NDUFAF6: variants seen among roughly 807,000 people sequenced by gnomAD.
NDUFAF6 encodes the protein NADH dehydrogenase (ubiquinone) complex I, assembly factor 6.
In NDUFAF6, 45 loss-of-function variants were observed where a neutral mutation model predicts 40.8. The observed-to-expected ratio is 1.10, with a 90% CI of 0.87 to 1.42. The LOEUF is 1.42. Among genes scored for constraint, NDUFAF6 ranks in the 40% most tolerant of loss-of-function variants. NDUFAF6 has a pLI of 0.00. For missense variants in NDUFAF6, 435 were observed against 418.5 expected, an observed-to-expected ratio of 1.04 and a Z score of -0.34; for synonymous variants, 185 against 155.9, an observed-to-expected ratio of 1.19 and a Z score of -1.39.
intron 1 of NDUFAF6, among the ~76,000 whole-genome samples, chr8:94,977,011 C>T (rs939992353): frequency 2.0e-5 from 3 of 151,818 alleles, no homozygotes; most frequent in Admixed American, 6.6e-5. Context: ...ATTAGCCAAG[C>T]GTGGTGGCAC....
At chr8:94,908,575 G>T (rs1367591896) in intron 1 of NDUFAF6, among the ~76,000 whole-genome samples, 3 of 152,136 alleles carry the variant, frequency 2.0e-5, no homozygotes, top group Non-Finnish European at 4.4e-5. Context: ...TTGCTATGTT[G>T]CCCAGGCTGT....
chr8:94,975,933 A>G (rs2084968), intron 1 of NDUFAF6: 98,237 of 152,094 alleles, frequency 0.65, 32,724 homozygotes, highest in East Asian at 0.78. Flanking sequence ...TGTTTGGACC[A>G]GGTGCAGTGG....
chr8:94,967,098 G>A (rs1489568909), intron 1 of NDUFAF6, among the ~76,000 whole-genome samples: 2 of 152,104 alleles, frequency 1.3e-5, no homozygotes, highest in African/African-American at 4.8e-5. Context: ...AGGAACATGC[G>A]GAGAGAGAGA....
intron 1 of NDUFAF6, among the ~76,000 whole-genome samples, chr8:94,960,416 C>T (rs1373032812): frequency 1.5e-5 from 2 of 131,068 alleles, no homozygotes; most frequent in Non-Finnish European, 1.7e-5. Flanking sequence ...CCTGGTGCCT[C>T]GTTAGCAGCT....
At chr8:95,108,892 G>T (rs762612834) in intron 4 of NDUFAF6, among the ~76,000 whole-genome samples, 8 of 151,998 alleles carry the variant, frequency 5.3e-5, no homozygotes, top group Non-Finnish European at 1.0e-4. Context: ...TTAGTTAAAT[G>T]GTTAAAATGG....
chr8:95,092,697 G>A (rs1809301149), intron 2 of NDUFAF6, among the ~76,000 whole-genome samples: 1 of 146,034 alleles, frequency 6.8e-6, no homozygotes, highest in Non-Finnish European at 1.5e-5. Flanking sequence ...TGATTCTCCT[G>A]CCTCAGCCTC....
intron 4 of NDUFAF6, among the ~76,000 whole-genome samples, chr8:95,115,244 C>G (rs946949294): frequency 2.6e-5 from 4 of 151,990 alleles, no homozygotes; most frequent in Non-Finnish European, 4.4e-5. Context: ...TTTGTCAGCA[C>G]CAAGAAGGCT....
intron 1 of NDUFAF6, among the ~76,000 whole-genome samples, chr8:94,973,490 C>G (rs1281876696): frequency 6.6e-6 from 1 of 152,094 alleles, no homozygotes; most frequent in East Asian, 1.9e-4. Context: ...GGGCAGATCA[C>G]GAGGTCAGGA....
At position 94,982,859 on chromosome 8, in the gene NDUFAF6, C is replaced by T. The variant is rs373789215; in HGVS notation, c.-84+1886C>T. 3.9e-5 allele frequency among the ~76,000 whole-genome samples: 6 copies of T among 152,362 alleles called. No individual in the cohort carries two copies. The East Asian group carries it at 5.8e-4, about 15-fold the overall frequency. On this transcript the variant is annotated intron_variant, in intron 2 of 9. Transcript: ENST00000396111. ...CCAACTAAGTTGAGACTCTGTATCTCTCTTTAACTTCCACAGGGTTGTTCA... is the reference window on the plus strand; with the variant it reads ...CCAACTAAGTTGAGACTCTGTATCTTTCTTTAACTTCCACAGGGTTGTTCA...
intron 2 of NDUFAF6, chr8:95,087,787 T>C (rs6471511): frequency 0.78 from 118,851 of 151,976 alleles, 46,898 homozygotes; most frequent in African/African-American, 0.87. Context: ...ACGTTCATTT[T>C]CACCGTCACC....
At chr8:95,056,136 T>C (rs28538579) in intron 8 of NDUFAF6, among the ~76,000 whole-genome samples, 4,691 of 152,304 alleles carry the variant, frequency 0.031, 239 homozygotes, top group African/African-American at 0.1. Context: ...CATATTACTG[T>C]ATCTACCTAT....
upstream of NDUFAF6, among the ~76,000 whole-genome samples, chr8:95,099,178 T>C (rs1020673007): frequency 1.3e-5 from 2 of 152,036 alleles, no homozygotes; most frequent in African/African-American, 4.8e-5. Flanking sequence ...ATGTTGAGGC[T>C]GCAGTGAGCT....
chr8:94,927,656 AAAAAT>A (rs1301926271), intron 1 of NDUFAF6: 1 of 152,202 alleles, frequency 6.6e-6, no homozygotes, highest in Non-Finnish European at 1.5e-5. Flanking sequence ...AGTTGAGAAA[AAAAAT>A]AAACATAAGA....
At chr8:94,911,019 G>A (rs192730484) in intron 1 of NDUFAF6, among the ~76,000 whole-genome samples, 91 of 152,244 alleles carry the variant, frequency 6.0e-4, no homozygotes, top group African/African-American at 2.1e-3. Flanking sequence ...ATCTTACTTT[G>A]GAGAAAAATA....
intron 8 of NDUFAF6, among the ~76,000 whole-genome samples, chr8:95,052,624 T>C (rs1445921267): frequency 6.6e-6 from 1 of 152,244 alleles, no homozygotes; most frequent in South Asian, 2.1e-4. Context: ...TCTGTTCATT[T>C]TTTTTTCCAT....
At position 95,035,578 on chromosome 8, in the gene NDUFAF6, TA is replaced by T. The variant is rs34960210; in HGVS notation, c.420+15del. 11,368 of 1,387,940 alleles carry T rather than the reference TA, an allele frequency of 8.2e-3. No homozygotes were observed. Among genetic ancestry groups the T allele is most frequent in the Admixed American group, 0.012 (637 of 53,392 alleles). 86.0% of individuals were successfully genotyped at this position (1,387,940 alleles called of 1,614,324 possible). ...CCTGTGGCCATTGAACTATGGAAGG[TA>T]AAAAAAAAAAAATACCACTTTTAAT... On this transcript the variant is annotated splice_donor_region_variant and intron_variant, in intron 3 of 8. Coordinates refer to ENST00000396124, the MANE Select transcript of NDUFAF6 (RefSeq NM_152416.4).
At chr8:95,030,828 A>G (rs1828739252) in intron 1 of NDUFAF6, among the ~76,000 whole-genome samples, 1 of 152,238 alleles carries the variant, frequency 6.6e-6, no homozygotes, top group African/African-American at 2.4e-5. Context: ...AGGCTGTGCA[A>G]GAAGCATGGC....
intron 5 of NDUFAF6, chr8:95,116,179 CA>C (rs1810132632): frequency 6.4e-6 from 1 of 156,870 alleles, no homozygotes; most frequent in African/African-American, 2.4e-5. Flanking sequence ...AACGAACAAA[CA>C]AAAGTGACAG....
chr8:95,045,752 C>A, intron 5 of NDUFAF6, 105 bp downstream of exon 5: 1 of 813,406 alleles, frequency 1.2e-6, no homozygotes, highest in East Asian at 2.5e-5. Flanking sequence ...TAAAGCCTTC[C>A]TTTATACTAT....
Sources: gnomAD v4.1 joint callset for allele counts (sites outside exome capture counted in the v4.1 genomes callset) on GRCh38, gnomAD v4.1.1 for gene constraint, MANE v1.5 for transcripts, NCBI Gene and HGNC (gene_info 2026-07-23, HGNC 2026-07-21) for gene names.